TACR3: variants seen among roughly 807,000 people sequenced by gnomAD.
TACR3 encodes neuromedin-K receptor.
In TACR3, 34 loss-of-function variants were observed where a neutral mutation model predicts 35.0. The observed-to-expected ratio is 0.97, with a 90% CI of 0.74 to 1.30. The LOEUF is 1.30. Among genes scored for constraint, TACR3 ranks in the 50% most tolerant of loss-of-function variants. TACR3 has a pLI of 0.00. For missense variants in TACR3, 558 were observed against 591.7 expected (o/e 0.94, Z 0.59); for synonymous variants, 233 against 221.1 (o/e 1.05, Z -0.48).
rs146077926 is a variant in TACR3 at position 103,591,833 on chromosome 4, G to A, written c.889-150C>T. ...ATTAAAAAATGGTGAAGCAATATACGGACAGTTGCCTAAGGTAAGTCTCAA... is the reference window on the plus strand; with the variant it reads ...ATTAAAAAATGGTGAAGCAATATACAGACAGTTGCCTAAGGTAAGTCTCAA... On this transcript the variant is annotated intron_variant, in intron 3 of 4. Transcript: ENST00000304883. The A allele has an allele frequency of 4.8e-3, 3,833 of 791,320 alleles. 14 individuals carry two copies. The highest frequency in any genetic ancestry group is 7.4e-3 in the Middle Eastern group (20 of 2,720). The allele number at this position is 791,320 out of a possible 1,614,324, so 49.0% of individuals were successfully genotyped here.
At chr4:103,592,022 A>G (rs1483405235) in intron 3 of TACR3, among the ~76,000 whole-genome samples, 1 of 152,160 alleles carries the variant, frequency 6.6e-6, no homozygotes, top group Non-Finnish European at 1.5e-5. Context: ...GTGGCTGTGT[A>G]GCCTGCATTG....
At position 103,588,735 on chromosome 4, in the gene TACR3, T is replaced by A. The variant is rs1287954491; in HGVS notation, c.*947A>T. The A allele has an allele frequency of 2.6e-5, 4 of 152,146 alleles. No individual in the cohort carries two copies. Among genetic ancestry groups the A allele is most frequent in the Non-Finnish European group, 5.9e-5 (4 of 67,984 alleles). 9.4% of individuals were successfully genotyped at this position (152,146 alleles called of 1,614,324 possible). Reference sequence around the variant, plus strand: ...CAACCATATAGTCTTTTGTCACACTTGTGACTTTTTTTCCCTAAGGAGTTG... The same window carrying A: ...CAACCATATAGTCTTTTGTCACACTAGTGACTTTTTTTCCCTAAGGAGTTG... On this transcript the variant is annotated 3_prime_UTR_variant, in exon 5 of 5. Coordinates refer to ENST00000304883, the MANE Select transcript of TACR3 (RefSeq NM_001059.3).
chr4:103,675,698 G>A (rs577947103), intron 1 of TACR3, among the ~76,000 whole-genome samples: 2 of 152,186 alleles, frequency 1.3e-5, no homozygotes, highest in Admixed American at 1.3e-4. Flanking sequence ...CCAATTTGCA[G>A]CACTCCTGAA....
At chr4:103,626,829 G>A (rs932432943) in intron 3 of TACR3, among the ~76,000 whole-genome samples, 1 of 151,344 alleles carries the variant, frequency 6.6e-6, no homozygotes, top group African/African-American at 2.4e-5. Context: ...ACTGCATACT[G>A]TATCAGTAAT....
At chr4:103,647,961 C>T (rs567638695) in intron 3 of TACR3, among the ~76,000 whole-genome samples, 6 of 152,074 alleles carry the variant, frequency 3.9e-5, no homozygotes, top group African/African-American at 1.4e-4. Flanking sequence ...GATATTTCTA[C>T]TGGCTATACT....
chr4:103,653,696 T>C (rs1260637238), intron 3 of TACR3, among the ~76,000 whole-genome samples: 1 of 151,756 alleles, frequency 6.6e-6, no homozygotes, highest in African/African-American at 2.4e-5. Flanking sequence ...AATTGACAAA[T>C]GGGATCTAAT....
intron 3 of TACR3, among the ~76,000 whole-genome samples, chr4:103,599,170 A>C (rs1201848926): frequency 6.6e-6 from 1 of 152,170 alleles, no homozygotes; most frequent in East Asian, 1.9e-4. Flanking sequence ...GCTCCTTCAT[A>C]TCCCTTGTAA....
At chr4:103,605,357 T>A (rs2110293819) in intron 3 of TACR3, among the ~76,000 whole-genome samples, 1 of 97,110 alleles carries the variant, frequency 1.0e-5, no homozygotes, top group South Asian at 3.1e-4. Flanking sequence ...ATGGGATGGC[T>A]GGGTCAAATG....
chr4:103,704,131 A>AAAG (rs1722731019), intron 1 of TACR3, among the ~76,000 whole-genome samples: 2 of 144,434 alleles, frequency 1.4e-5, no homozygotes, highest in Admixed American at 6.8e-5. Context: ...AAAAAAAAAA[A>AAAG]AAAGAAAGAA....
chr4:103,601,969 C>A (rs1190763473), intron 3 of TACR3, among the ~76,000 whole-genome samples: 1 of 152,190 alleles, frequency 6.6e-6, no homozygotes, highest in Admixed American at 6.5e-5. Context: ...TAGATAGTAT[C>A]CTGCAGAGTG....
intron 3 of TACR3, among the ~76,000 whole-genome samples, chr4:103,618,752 G>T (rs35988839): frequency 0.098 from 14,861 of 151,740 alleles, 815 homozygotes; most frequent in Middle Eastern, 0.19. Context: ...TTATTTATTT[G>T]TGTCCTCTCT....
intron 3 of TACR3, among the ~76,000 whole-genome samples, chr4:103,623,797 T>A (rs1724833998): frequency 6.6e-6 from 1 of 152,184 alleles, no homozygotes; most frequent in Admixed American, 6.5e-5. Flanking sequence ...AAAAATTTCT[T>A]GCTTGGTAAT....
chr4:103,704,036 G>C (rs541832516), intron 1 of TACR3, among the ~76,000 whole-genome samples: 11 of 147,280 alleles, frequency 7.5e-5, no homozygotes, highest in Non-Finnish European at 1.5e-4. Context: ...CCCGGCAGGC[G>C]GAGCTTGCAG....
chr4:103,591,447 G>T lies in TACR3; in HGVS notation c.1085+40C>A, dbSNP rs762901564. ...ACATTGTATGTTTCCAGTGAAGGTG[G>T]GTGTGACAAGCAACTTGCATTTCGT... is the stretch of plus-strand genomic sequence containing the variant. On this transcript the variant is annotated intron_variant, in intron 4 of 4. Coordinates refer to ENST00000304883, the MANE Select transcript of TACR3 (RefSeq NM_001059.3). 8.7e-6 allele frequency: 14 copies of T among 1,601,936 alleles called. No individual in the cohort carries two copies. In the South Asian group the frequency reaches 1.4e-4, roughly 16 times the overall value.
intron 1 of TACR3, among the ~76,000 whole-genome samples, chr4:103,692,385 A>G (rs1419817409): frequency 6.6e-6 from 1 of 152,186 alleles, no homozygotes; most frequent in Admixed American, 6.5e-5. Context: ...CTAGATTTTA[A>G]TTAACATTGC....
At chr4:103,609,579 T>A (rs1347226570) in intron 3 of TACR3, among the ~76,000 whole-genome samples, 1 of 152,132 alleles carries the variant, frequency 6.6e-6, no homozygotes, top group Non-Finnish European at 1.5e-5. Flanking sequence ...AATACTTATC[T>A]CAAACATTTG....
At chr4:103,713,831 AAAG>A (rs1723026486) in intron 1 of TACR3, among the ~76,000 whole-genome samples, 1 of 152,134 alleles carries the variant, frequency 6.6e-6, no homozygotes, top group South Asian at 2.1e-4. Flanking sequence ...AAATACAGCC[AAAG>A]AAGAGAGGCT....
chr4:103,650,571 T>A (rs1205635363), intron 3 of TACR3, among the ~76,000 whole-genome samples: 2 of 119,420 alleles, frequency 1.7e-5, no homozygotes, highest in South Asian at 2.4e-4. Flanking sequence ...AATAAATATA[T>A]AAAATAAATT....
Position 103,703,888 on chromosome 4 carries a change from C to T in TACR3, c.548+15240G>A, listed in dbSNP as rs1722721972. ...GGCTGAGGTGGGCGGATCACGAGGTCAGGAGATCGAGACCATCCTGGCTAA... is the reference window on the plus strand; with the variant it reads ...GGCTGAGGTGGGCGGATCACGAGGTTAGGAGATCGAGACCATCCTGGCTAA... On this transcript the variant is annotated intron_variant, in intron 1 of 4. Transcript: ENST00000304883. Among the ~76,000 whole-genome samples the T allele has an allele frequency of 2.0e-5, 3 of 151,850 alleles. No homozygotes were observed. In the East Asian group the frequency reaches 5.9e-4, roughly 30 times the overall value.
Sources: gnomAD v4.1 joint callset for allele counts (sites outside exome capture counted in the v4.1 genomes callset) on GRCh38, gnomAD v4.1.1 for gene constraint, MANE v1.5 for transcripts, NCBI Gene and HGNC (gene_info 2026-07-23, HGNC 2026-07-21) for gene names.